Variants in TENM3 observed in about 807,000 individuals in gnomAD.
TENM3 encodes the protein teneurin transmembrane protein 3, also known as teneurin-3.
In TENM3, 63 loss-of-function variants were observed where a neutral mutation model predicts 255.1. The observed-to-expected ratio is 0.25, with a 90% confidence interval of 0.20 to 0.30. The LOEUF is 0.30. TENM3 is among the 10% of genes least tolerant of loss of function. TENM3 has a pLI of 1.00. For missense variants in TENM3, 2,929 were observed against 3,461.1 expected, an observed-to-expected ratio of 0.85 and a Z score of 3.86; for synonymous variants, 1,306 against 1,322.3, an observed-to-expected ratio of 0.99 and a Z score of 0.27.
chr4:181,883,198 T>C, the TENM3 span, among the ~76,000 whole-genome samples: 87,297 of 146,990 alleles, frequency 0.59, 26,491 homozygotes, highest in Middle Eastern at 0.66. Context: ...AAAAGCTTAT[T>C]ACTCTGACCG....
At chr4:181,516,819 G>A in the TENM3 span, among the ~76,000 whole-genome samples, 24 of 151,680 alleles carry the variant, frequency 1.6e-4, no homozygotes, top group African/African-American at 5.6e-4. Context: ...CTTTTACTAT[G>A]TGCCAGGTTG....
At chr4:181,558,998 T>C in the TENM3 span, among the ~76,000 whole-genome samples, 1 of 152,104 alleles carries the variant, frequency 6.6e-6, no homozygotes, top group African/African-American at 2.4e-5. Context: ...TTTTGGTAGA[T>C]AGCACACTGA....
Position 182,612,626 on chromosome 4 carries a change from T to C in TENM3, c.749+11465T>C, listed in dbSNP as rs535170753. ...TATGAGTTAAAATGCGTACCTGATA[T>C]AGAGACTGCGTAAATTTGGAGGCCA... On this transcript the variant is annotated intron_variant, in intron 4 of 27. Transcript: ENST00000511685. 6.4e-4 allele frequency among the ~76,000 whole-genome samples: 97 copies of C among 152,300 alleles called. 1 individual carries two copies. Among genetic ancestry groups the C allele is most frequent in the Non-Finnish European group, 4.6e-4 (31 of 68,028 alleles).
At chr4:182,063,600 A>T in the TENM3 span, among the ~76,000 whole-genome samples, 5 of 152,140 alleles carry the variant, frequency 3.3e-5, no homozygotes, top group South Asian at 1.0e-3. Flanking sequence ...AATAACCTTA[A>T]CAAACAAATC....
the TENM3 span, among the ~76,000 whole-genome samples, chr4:182,023,330 T>A: frequency 6.6e-6 from 1 of 152,220 alleles, no homozygotes; most frequent in Non-Finnish European, 1.5e-5. Flanking sequence ...TATTTTTACA[T>A]CTTTTATATT....
chr4:182,773,039 G>T (rs1764387169), intron 22 of TENM3, among the ~76,000 whole-genome samples: 1 of 152,160 alleles, frequency 6.6e-6, no homozygotes, highest in African/African-American at 2.4e-5. Flanking sequence ...ATACATACAT[G>T]CACGTAAACA....
At chr4:181,900,680 G>T in the TENM3 span, among the ~76,000 whole-genome samples, 2 of 152,078 alleles carry the variant, frequency 1.3e-5, no homozygotes, top group Admixed American at 1.3e-4. Context: ...CATTAATTGG[G>T]CCTCTGCTCT....
At chr4:181,757,590 C>T in the TENM3 span, among the ~76,000 whole-genome samples, 1 of 152,140 alleles carries the variant, frequency 6.6e-6, no homozygotes, top group Admixed American at 6.5e-5. Flanking sequence ...TGCATGCATT[C>T]CTACAGGCTT....
At chr4:182,769,508 G>A (rs762666318) in intron 22 of TENM3, among the ~76,000 whole-genome samples, 27 of 152,232 alleles carry the variant, frequency 1.8e-4, no homozygotes, top group Non-Finnish European at 3.1e-4. Context: ...CCTAGGCCGG[G>A]CGTGGTGGCT....
chr4:182,688,086 A>G, intron 11 of TENM3, 80 bp from the exon 12 acceptor site: 1 of 1,301,482 alleles, frequency 7.7e-7, no homozygotes, highest in East Asian at 2.5e-5. Flanking sequence ...TTTGTGTGGA[A>G]GATAAAAGCT....
intron 3 of TENM3, among the ~76,000 whole-genome samples, chr4:182,405,777 T>C (rs1769527271): frequency 6.6e-6 from 1 of 151,970 alleles, no homozygotes; most frequent in African/African-American, 2.4e-5. Flanking sequence ...TATGTTAGGA[T>C]TTGGAAAGAA....
At chr4:182,525,575 A>T (rs1225181752) in intron 3 of TENM3, among the ~76,000 whole-genome samples, 6 of 152,252 alleles carry the variant, frequency 3.9e-5, no homozygotes, top group Admixed American at 3.9e-4. Context: ...GTGACTTACG[A>T]ATGTAATGCT....
chr4:182,049,825 G>C, the TENM3 span, among the ~76,000 whole-genome samples: 1 of 151,984 alleles, frequency 6.6e-6, no homozygotes, highest in Non-Finnish European at 1.5e-5. Flanking sequence ...TATCTCTTGG[G>C]GAGTATCACG....
At chr4:182,770,651 G>C (rs563545145) in intron 22 of TENM3, among the ~76,000 whole-genome samples, 2 of 152,248 alleles carry the variant, frequency 1.3e-5, no homozygotes, top group African/African-American at 4.8e-5. Context: ...AGCTATGTCA[G>C]CGTGAACACA....
chr4:182,137,557 C>A, the TENM3 span, among the ~76,000 whole-genome samples: 1 of 152,052 alleles, frequency 6.6e-6, no homozygotes, highest in Non-Finnish European at 1.5e-5. Flanking sequence ...TGAGGTCAGA[C>A]GGGGAAAACT....
intron 24 of TENM3, among the ~76,000 whole-genome samples, chr4:182,776,054 TTTACC>T (rs1764670678): frequency 6.6e-6 from 1 of 151,674 alleles, no homozygotes. Context: ...ATAAATGAAA[TTTACC>T]CTATACTACC....
At chr4:181,790,187 G>A in the TENM3 span, among the ~76,000 whole-genome samples, 4 of 152,136 alleles carry the variant, frequency 2.6e-5, no homozygotes, top group African/African-American at 4.8e-5. Context: ...GGTGGCCCCC[G>A]GAGGATTGCT....
the TENM3 span, among the ~76,000 whole-genome samples, chr4:181,858,115 T>A: frequency 1.3e-5 from 2 of 152,322 alleles, no homozygotes; most frequent in East Asian, 3.9e-4. Context: ...GTATATTATG[T>A]TGAGACAGGG....
At chr4:182,559,127 A>ATTTTTTTTTTTTTTTTT (rs70956518) in intron 3 of TENM3, among the ~76,000 whole-genome samples, 1 of 107,480 alleles carries the variant, frequency 9.3e-6, no homozygotes. Flanking sequence ...ATTCCTCGGG[A>ATTTTTTTTTTTTTTTTT]TTTTTTTTTT....
Sources: gnomAD v4.1 joint callset for allele counts (sites outside exome capture counted in the v4.1 genomes callset) on GRCh38, gnomAD v4.1.1 for gene constraint, MANE v1.5 for transcripts, NCBI Gene and HGNC (gene_info 2026-07-23, HGNC 2026-07-21) for gene names.